Variants in SCFD2 observed in about 807,000 individuals in gnomAD.
SCFD2 encodes sec1 family domain-containing protein 2.
In SCFD2, 54 loss-of-function variants were observed where a neutral mutation model predicts 58.9. The observed-to-expected ratio is 0.92, with a 90% CI of 0.74 to 1.15. The LOEUF is 1.15. SCFD2 is among the 50% of genes most tolerant of loss of function. The probability of loss-of-function intolerance (pLI) is 0.00; values close to 1 mark genes in which losing one functional copy is unlikely to be tolerated. For synonymous variants in SCFD2, 321 were observed against 335.9 expected (o/e 0.96, Z 0.49); for missense variants, 805 against 836.6 (o/e 0.96, Z 0.47).
chr4:52,985,426 A>C (rs375969800), intron 5 of SCFD2, among the ~76,000 whole-genome samples: 90 of 152,194 alleles, frequency 5.9e-4, no homozygotes, highest in African/African-American at 1.9e-3. Flanking sequence ...ATGCTAAAAT[A>C]GAAGGCTTTC....
At chr4:53,337,682 G>C (rs369075177) in intron 2 of SCFD2, among the ~76,000 whole-genome samples, 1 of 152,192 alleles carries the variant, frequency 6.6e-6, no homozygotes, top group African/African-American at 2.4e-5. Flanking sequence ...CCATCAACAG[G>C]AAAATGGTAA....
chr4:53,206,674 T>C (rs983816672), intron 4 of SCFD2, among the ~76,000 whole-genome samples: 1 of 152,168 alleles, frequency 6.6e-6, no homozygotes, highest in Admixed American at 6.5e-5. Flanking sequence ...GTAATGAGTT[T>C]GTAATATTCT....
intron 5 of SCFD2, among the ~76,000 whole-genome samples, chr4:52,971,110 C>T (rs1033479237): frequency 9.9e-5 from 15 of 152,234 alleles, no homozygotes; most frequent in African/African-American, 3.4e-4. Context: ...ATCAGAGCAC[C>T]TCTCCTCCTC....
At chr4:53,212,299 A>C (rs1367085722) in intron 4 of SCFD2, among the ~76,000 whole-genome samples, 1 of 151,958 alleles carries the variant, frequency 6.6e-6, no homozygotes, top group Non-Finnish European at 1.5e-5. Flanking sequence ...AGTCAAAACA[A>C]CACCAAATGT....
intron 5 of SCFD2, among the ~76,000 whole-genome samples, chr4:52,959,845 T>A (rs907818491): frequency 6.7e-6 from 1 of 149,584 alleles, no homozygotes; most frequent in African/African-American, 2.5e-5. Flanking sequence ...CACAGAACAC[T>A]GACAGTACAT....
chr4:52,907,065 C>A (rs557113623), intron 7 of SCFD2, among the ~76,000 whole-genome samples: 3 of 152,132 alleles, frequency 2.0e-5, no homozygotes, highest in African/African-American at 7.2e-5. Flanking sequence ...TGAGCAGAGC[C>A]GCTCATCATC....
At chr4:53,170,894 C>G (rs1407195030) in intron 4 of SCFD2, among the ~76,000 whole-genome samples, 1 of 152,146 alleles carries the variant, frequency 6.6e-6, no homozygotes, top group Non-Finnish European at 1.5e-5. Flanking sequence ...TGCAACTTTA[C>G]TGAATTCATG....
At chr4:52,875,747 A>G (rs1718454376) in intron 8 of SCFD2, among the ~76,000 whole-genome samples, 1 of 142,748 alleles carries the variant, frequency 7.0e-6, no homozygotes, top group Non-Finnish European at 1.5e-5. Context: ...TTCTGTTTAA[A>G]AAACTTAGTC....
At position 53,214,288 on chromosome 4, in the gene SCFD2, G is replaced by C. The variant is rs574385093; in HGVS notation, c.1311+59538C>G. Among the ~76,000 whole-genome samples, 23 of 152,000 alleles carry C rather than the reference G, an allele frequency of 1.5e-4. 1 individual carries two copies. In the South Asian group the frequency reaches 2.1e-3, roughly 14 times the overall value. On this transcript the variant is annotated intron_variant, in intron 4 of 8. Coordinates refer to ENST00000401642, the MANE Select transcript of SCFD2 (RefSeq NM_152540.4). ...ATCCCACCAACAGTGTAAAAGTGTT[G>C]CTATTTCTCCACATCCTCCCAGCAC...
chr4:52,964,709 C>A (rs1045642857), intron 5 of SCFD2, among the ~76,000 whole-genome samples: 8 of 151,698 alleles, frequency 5.3e-5, no homozygotes, highest in Non-Finnish European at 1.0e-4. Context: ...CACACACACA[C>A]ACATACACAA....
rs368246808 is a variant in SCFD2, at chr4:53,255,422, G to C, written c.1311+18404C>G. 6.4e-4 allele frequency among the ~76,000 whole-genome samples: 97 copies of C among 152,156 alleles called. 1 individual carries two copies. The South Asian group carries it at 0.015, about 23-fold the overall frequency. ...GGGGAGTGGTGATGACTCTTAAGGA[G>C]CATGCTGCCTTCAAGCATCTGTTTA... is the stretch of plus-strand genomic sequence containing the variant. On this transcript the variant is annotated intron_variant, in intron 4 of 8. Coordinates refer to ENST00000401642, the MANE Select transcript of SCFD2 (RefSeq NM_152540.4).
chr4:53,000,401 C>T (rs765565701), intron 5 of SCFD2, among the ~76,000 whole-genome samples: 33 of 152,184 alleles, frequency 2.2e-4, no homozygotes, highest in Non-Finnish European at 4.3e-4. Flanking sequence ...CATTCCAACT[C>T]AGCAACAAGT....
At chr4:53,068,594 A>G in intron 5 of SCFD2, among the ~76,000 whole-genome samples, 1 of 152,100 alleles carries the variant, frequency 6.6e-6, no homozygotes, top group Middle Eastern at 3.4e-3. Context: ...AATATTCTGC[A>G]TATTATTTTG....
chr4:52,884,066 C>CAAG (rs1417358773), intron 8 of SCFD2, among the ~76,000 whole-genome samples: 4 of 152,200 alleles, frequency 2.6e-5, no homozygotes, highest in Admixed American at 6.5e-5. Context: ...CAATAAACCC[C>CAAG]TCAAACTACA....
intron 7 of SCFD2, among the ~76,000 whole-genome samples, chr4:52,893,193 TCTCTC>T (rs1413913326): frequency 1.3e-5 from 2 of 151,998 alleles, no homozygotes; most frequent in African/African-American, 4.8e-5. Context: ...TGCTTTTTCT[TCTCTC>T]CTCTCCTCTC....
chr4:53,097,172 G>T (rs1314965071), intron 5 of SCFD2, among the ~76,000 whole-genome samples: 4 of 151,956 alleles, frequency 2.6e-5, no homozygotes, highest in Admixed American at 6.6e-5. Flanking sequence ...TTGTTCTTTT[G>T]GCTTAGGATT....
intron 4 of SCFD2, among the ~76,000 whole-genome samples, chr4:53,256,908 G>A (rs1380356154): frequency 8.4e-6 from 1 of 118,500 alleles, no homozygotes; most frequent in Non-Finnish European, 1.8e-5. Flanking sequence ...GAGGGAGGGG[G>A]ACGGGGAGGG....
intron 1 of SCFD2, among the ~76,000 whole-genome samples, chr4:53,364,391 C>G (rs1578007301): frequency 6.6e-6 from 1 of 152,100 alleles, no homozygotes; most frequent in East Asian, 1.9e-4. Context: ...AATTAGAGAA[C>G]AATAAAGTTG....
At chr4:53,160,188 G>A (rs1726811348) in intron 4 of SCFD2, among the ~76,000 whole-genome samples, 1 of 152,188 alleles carries the variant, frequency 6.6e-6, no homozygotes, top group African/African-American at 2.4e-5. Context: ...GGTGTAGCCG[G>A]CCCATTGTTA....
Sources: gnomAD v4.1 joint callset for allele counts (sites outside exome capture counted in the v4.1 genomes callset) on GRCh38, gnomAD v4.1.1 for gene constraint, MANE v1.5 for transcripts, NCBI Gene and HGNC (gene_info 2026-07-23, HGNC 2026-07-21) for gene names.